The following GNAQ variants were observed in gnomAD, a reference collection of about 807,000 sequenced individuals.
The protein encoded by GNAQ is G protein subunit alpha q.
In GNAQ, 8 loss-of-function variants were observed where a neutral mutation model predicts 43.9. The ratio of observed to expected loss-of-function variants is 0.18; its 90% CI spans 0.11 to 0.33. GNAQ has a LOEUF of 0.33. Among genes scored for constraint, GNAQ ranks in the 10% least tolerant of loss-of-function variants. The pLI is 1.00. For synonymous variants in GNAQ, 155 were observed against 170.7 expected, an observed-to-expected ratio of 0.91 and a Z score of 0.71; for missense variants, 158 against 450.8, an observed-to-expected ratio of 0.35 and a Z score of 5.88.
intron 2 of GNAQ, among the ~76,000 whole-genome samples, chr9:77,881,738 C>A (rs1182132542): frequency 6.6e-6 from 1 of 152,150 alleles, no homozygotes; most frequent in African/African-American, 2.4e-5. Context: ...GTGTTCTGCC[C>A]AATTCTTGTC....
intron 5 of GNAQ, among the ~76,000 whole-genome samples, chr9:77,765,177 A>G (rs1826115524): frequency 6.6e-6 from 1 of 152,196 alleles, no homozygotes; most frequent in Non-Finnish European, 1.5e-5. Flanking sequence ...AAAAATCAGA[A>G]CTGAAAGGAA....
intron 1 of GNAQ, among the ~76,000 whole-genome samples, chr9:77,955,169 G>A (rs1823027211): frequency 6.6e-6 from 1 of 152,192 alleles, no homozygotes; most frequent in South Asian, 2.1e-4. Flanking sequence ...TTGAGATGGA[G>A]TCTCACTCTG....
intron 1 of GNAQ, among the ~76,000 whole-genome samples, chr9:78,004,560 T>A (rs757924142): frequency 2.6e-5 from 4 of 152,090 alleles, no homozygotes; most frequent in African/African-American, 4.8e-5. Flanking sequence ...AAGCTTGACC[T>A]CCAACTGCCC....
chr9:77,996,677 C>CAAAAAAAAAAAAAAAAAAAAAAAAAA (rs3083223), intron 1 of GNAQ, among the ~76,000 whole-genome samples: 2 of 105,584 alleles, frequency 1.9e-5, no homozygotes, highest in African/African-American at 3.7e-5. Flanking sequence ...GACTCCATCT[C>CAAAAAAAAAAAAAAAAAAAAAAAAAA]AAAAAAAAAA....
chr9:78,006,055 T>C (rs1823702742), intron 1 of GNAQ, among the ~76,000 whole-genome samples: 1 of 152,208 alleles, frequency 6.6e-6, no homozygotes, highest in South Asian at 2.1e-4. Context: ...AACTCTTTCC[T>C]GTACGGGGTC....
At chr9:77,966,110 G>A (rs765408293) in intron 1 of GNAQ, among the ~76,000 whole-genome samples, 1 of 152,076 alleles carries the variant, frequency 6.6e-6, no homozygotes, top group Admixed American at 6.5e-5. Context: ...GGTGTAAAAC[G>A]TAACTAAATA....
At chr9:77,724,250 C>T (rs1461963525) in intron 6 of GNAQ, among the ~76,000 whole-genome samples, 1 of 151,906 alleles carries the variant, frequency 6.6e-6, no homozygotes, top group Non-Finnish European at 1.5e-5. Flanking sequence ...GAGTGCAGTG[C>T]CATGATCTTG....
Position 78,018,678 on chromosome 9 carries a change from T to A in GNAQ, c.136+12422A>T, listed in dbSNP as rs527764733. On this transcript the variant is annotated intron_variant, in intron 1 of 6. Transcript: ENST00000286548. Reference sequence around the variant, plus strand: ...CAATAGCTTTTCTCCTTACCAAACTTTTTTTTTTACTATTTTACAAACAAC... The same window carrying A: ...CAATAGCTTTTCTCCTTACCAAACTATTTTTTTTACTATTTTACAAACAAC... Among the ~76,000 whole-genome samples the A allele has an allele frequency of 3.0e-4, 46 of 151,086 alleles. 1 individual carries two copies. The highest frequency in any genetic ancestry group is 2.4e-3 in the Admixed American group (37 of 15,130).
intron 5 of GNAQ, among the ~76,000 whole-genome samples, chr9:77,758,378 T>C (rs1443221856): frequency 6.6e-6 from 1 of 152,172 alleles, no homozygotes; most frequent in Non-Finnish European, 1.5e-5. Flanking sequence ...TAAAACATCA[T>C]CAAATAATAC....
chr9:77,914,439 A>T (rs543608756), intron 2 of GNAQ, among the ~76,000 whole-genome samples: 2 of 152,248 alleles, frequency 1.3e-5, no homozygotes, highest in East Asian at 3.9e-4. Context: ...CGGGCGGACC[A>T]CCTGAGGTTG....
chr9:77,799,229 T>C (rs79476818), intron 3 of GNAQ, among the ~76,000 whole-genome samples: 1,640 of 152,286 alleles, frequency 0.011, 29 homozygotes, highest in African/African-American at 0.031. Context: ...AACTAACTTA[T>C]GAGCCAGATT....
intron 1 of GNAQ, among the ~76,000 whole-genome samples, chr9:78,016,627 A>T (rs945681095): frequency 2.6e-5 from 4 of 152,006 alleles, no homozygotes; most frequent in Non-Finnish European, 5.9e-5. Context: ...GGTTGCAGTG[A>T]GCCAAGATCA....
At chr9:77,908,527 CACTG>C (rs1828749004) in intron 2 of GNAQ, among the ~76,000 whole-genome samples, 1 of 152,214 alleles carries the variant, frequency 6.6e-6, no homozygotes, top group Non-Finnish European at 1.5e-5. Context: ...ATTTAGTAGA[CACTG>C]ACTATGTTGA....
chr9:77,981,245 T>C (rs550706215), intron 1 of GNAQ, among the ~76,000 whole-genome samples: 10 of 152,342 alleles, frequency 6.6e-5, no homozygotes, highest in African/African-American at 2.4e-4. Flanking sequence ...CTGCCATACA[T>C]AGTATTTCCT....
chr9:77,970,707 C>T (rs868349944), intron 1 of GNAQ, among the ~76,000 whole-genome samples: 1 of 151,760 alleles, frequency 6.6e-6, no homozygotes, highest in African/African-American at 2.4e-5. Flanking sequence ...AAATCAACAC[C>T]GTAACATCAC....
intron 2 of GNAQ, among the ~76,000 whole-genome samples, chr9:77,876,561 C>T (rs531769459): frequency 6.6e-6 from 1 of 152,328 alleles, no homozygotes; most frequent in South Asian, 2.1e-4. Flanking sequence ...GATAAGCAAA[C>T]ATATCTCCTT....
At chr9:77,963,314 C>A (rs1823128188) in intron 1 of GNAQ, among the ~76,000 whole-genome samples, 1 of 152,146 alleles carries the variant, frequency 6.6e-6, no homozygotes, top group Non-Finnish European at 1.5e-5. Flanking sequence ...TGACAATTAA[C>A]AGTAGAAACA....
chr9:77,813,875 G>T (rs1455372317), intron 3 of GNAQ, among the ~76,000 whole-genome samples: 1 of 152,148 alleles, frequency 6.6e-6, no homozygotes, highest in Non-Finnish European at 1.5e-5. Context: ...GCAAGGTGAA[G>T]AATTTATCAG....
intron 1 of GNAQ, among the ~76,000 whole-genome samples, chr9:78,027,361 A>G (rs1823994896): frequency 6.6e-6 from 1 of 152,206 alleles, no homozygotes; most frequent in Non-Finnish European, 1.5e-5. Context: ...CTCAGCCAAT[A>G]TTTATTGAGA....
Sources: allele counts gnomAD v4.1 joint callset (sites outside exome capture counted in the v4.1 genomes callset), GRCh38; gene constraint gnomAD v4.1.1; transcripts MANE v1.5; gene names NCBI Gene and HGNC (gene_info 2026-07-23, HGNC 2026-07-21).